TNRC6A: variants seen among roughly 807,000 people sequenced by gnomAD.
TNRC6A encodes the protein trinucleotide repeat-containing gene 6A protein.
Under a neutral mutation model 221.2 loss-of-function variants are expected in TNRC6A, and 44 were observed. The ratio of observed to expected loss-of-function variants is 0.20; its 90% CI spans 0.16 to 0.26. TNRC6A has a LOEUF of 0.26. TNRC6A is among the 10% of genes least tolerant of loss of function. The pLI is 1.00. For synonymous variants in TNRC6A, 847 were observed against 838.5 expected (o/e 1.01, Z -0.18); for missense variants, 2,199 against 2,404.4 (o/e 0.91, Z 1.79).
intron 1 of TNRC6A, among the ~76,000 whole-genome samples, chr16:24,617,681 G>A (rs993405068): frequency 6.6e-6 from 1 of 152,094 alleles, no homozygotes; most frequent in South Asian, 2.1e-4. Context: ...GGAAACTGAG[G>A]CATGGAGAGA....
chr16:24,823,146 G>A lies in TNRC6A; in HGVS notation c.5513+133G>A. On this transcript the variant is annotated intron_variant, in intron 24 of 24. Transcript: ENST00000395799. This position sits in a 1 kb window ranked among gnomAD's most constrained non-coding sequence, Gnocchi z 4.3. ...GCTGCAGTAGTGCCCTGATTCCAAG[G>A]TCGGCATTCCTAAGCGGGGAATCAG... The A allele has an allele frequency of 7.7e-7, 1 of 1,293,712 alleles. No individual in the cohort carries two copies. Among genetic ancestry groups the A allele is most frequent in the Non-Finnish European group, 1.1e-6 (1 of 922,714 alleles). 80.1% of individuals were successfully genotyped at this position (1,293,712 alleles called of 1,614,324 possible).
At chr16:24,761,408 A>G (rs1025935454) in intron 4 of TNRC6A, among the ~76,000 whole-genome samples, 20 of 152,308 alleles carry the variant, frequency 1.3e-4, no homozygotes, top group African/African-American at 4.8e-4. Flanking sequence ...AGGTATAGGG[A>G]TAGATGGATA....
At chr16:24,728,474 A>T (rs565040194), upstream of TNRC6A, among the ~76,000 whole-genome samples, 270 of 87,282 alleles carry the variant, frequency 3.1e-3, 1 homozygote, top group Admixed American at 5.3e-3. Context: ...ATAAAAAAAT[A>T]AAAAAAAAAG....
Position 24,818,851 on chromosome 16 carries a change from C to CT in TNRC6A, c.5080+156dup, listed in dbSNP as rs2058708388. On this transcript the variant is annotated intron_variant, in intron 21 of 24. Transcript: ENST00000395799. ...AAATTATTTTTAACATCCCTTACTC[C>CT]TTTTTAAACTTACTGTACCCAGCAG... The CT allele has an allele frequency of 4.9e-5, 33 of 672,212 alleles. No individual in the cohort carries two copies. The South Asian group carries it at 5.8e-4, about 12-fold the overall frequency. The allele number at this position is 672,212 out of a possible 1,614,324, so 41.6% of individuals were successfully genotyped here.
At position 24,773,957 on chromosome 16, in the gene TNRC6A, T is replaced by A. The variant is rs996186231; in HGVS notation, c.164-2976T>A. Among the ~76,000 whole-genome samples the A allele has an allele frequency of 2.9e-4, 44 of 152,202 alleles. 1 individual carries two copies. Among genetic ancestry groups the A allele is most frequent in the Admixed American group, 2.6e-4 (4 of 15,288 alleles). On this transcript the variant is annotated intron_variant, in intron 4 of 24. Transcript: ENST00000395799. ...TCTTAGTTTAAGAGGCTTTATCTTT[T>A]AACAAGTGAACTTAACCCATTCACA...
At chr16:24,816,571 T>C (rs997374729) in intron 19 of TNRC6A, 74 of 443,664 alleles carry the variant, frequency 1.7e-4, no homozygotes, top group South Asian at 1.6e-4. Flanking sequence ...ATGTTACGTG[T>C]GTGTGTGGGT....
At chr16:24,651,384 C>T (rs1902639763) in intron 2 of TNRC6A, among the ~76,000 whole-genome samples, 1 of 151,118 alleles carries the variant, frequency 6.6e-6, no homozygotes, top group Non-Finnish European at 1.5e-5. Flanking sequence ...ACTAAAAATA[C>T]AAAATCAGCC....
intron 2 of TNRC6A, among the ~76,000 whole-genome samples, chr16:24,686,249 T>C (rs1422603600): frequency 6.6e-6 from 1 of 152,140 alleles, no homozygotes; most frequent in Non-Finnish European, 1.5e-5. Context: ...GGAGACGGGC[T>C]CTGGGGCAGT....
At chr16:24,819,725 GTTGGGGCT>G in intron 21 of TNRC6A, 1 of 207,300 alleles carries the variant, frequency 4.8e-6, no homozygotes. Context: ...CAGCTCCTGA[GTTGGGGCT>G]CTTTTGCAGT....
chr16:24,670,712 T>C (rs1022245252), intron 2 of TNRC6A, among the ~76,000 whole-genome samples: 2 of 152,108 alleles, frequency 1.3e-5, no homozygotes, highest in African/African-American at 4.8e-5. Context: ...AAAATACTGG[T>C]ACAAGCTTGA....
intron 1 of TNRC6A, among the ~76,000 whole-genome samples, chr16:24,612,685 T>C (rs904210742): frequency 2.6e-5 from 4 of 151,896 alleles, no homozygotes; most frequent in Non-Finnish European, 5.9e-5. Flanking sequence ...AGGTCGAGGC[T>C]GCAGTGAGCC....
chr16:24,734,964 C>T (rs866489939), intron 2 of TNRC6A, among the ~76,000 whole-genome samples: 15 of 152,168 alleles, frequency 9.9e-5, no homozygotes, highest in Admixed American at 3.3e-4. Flanking sequence ...GATGCTTTTG[C>T]GTGGGACAAA....
At chr16:24,819,324 A>G (rs2058717912) in intron 21 of TNRC6A, among the ~76,000 whole-genome samples, 1 of 152,142 alleles carries the variant, frequency 6.6e-6, no homozygotes, top group African/African-American at 2.4e-5. Flanking sequence ...TGCTTTTAGC[A>G]TGATAGTTGA....
intron 2 of TNRC6A, among the ~76,000 whole-genome samples, chr16:24,672,156 A>C (rs111751125): frequency 6.6e-5 from 10 of 150,562 alleles, no homozygotes; most frequent in African/African-American, 2.2e-4. Context: ...GAGTCTTGCT[A>C]TGTCACCCAG....
At chr16:24,818,747 G>C in intron 21 of TNRC6A, 47 bp downstream of exon 21, 1 of 1,454,016 alleles carries the variant, frequency 6.9e-7, no homozygotes, top group Non-Finnish European at 9.7e-7. Context: ...CACAGCCAGA[G>C]CCGCGGCTGT....
At chr16:24,822,608 C>T (rs1567527872) in intron 23 of TNRC6A, among the ~76,000 whole-genome samples, 1 of 152,202 alleles carries the variant, frequency 6.6e-6, no homozygotes, top group East Asian at 1.9e-4. Context: ...GTCCTCAGGG[C>T]AGGGAAGAGA....
chr16:24,640,272 C>T (rs1901870031), intron 1 of TNRC6A, among the ~76,000 whole-genome samples: 1 of 151,878 alleles, frequency 6.6e-6, no homozygotes, highest in Non-Finnish European at 1.5e-5. Flanking sequence ...TGGTGGTGTG[C>T]ACTTCTAGTC....
chr16:24,624,753 G>A (rs911564339), intron 1 of TNRC6A, among the ~76,000 whole-genome samples: 2 of 152,132 alleles, frequency 1.3e-5, no homozygotes, highest in African/African-American at 2.4e-5. Context: ...CAAAGTGCTG[G>A]GATTACAGGC....
chr16:24,816,770 A>G (rs1190120785), intron 19 of TNRC6A, 46 bp from the exon 20 acceptor site: 3 of 1,575,360 alleles, frequency 1.9e-6, no homozygotes, highest in African/African-American at 2.7e-5. Context: ...AATGGATTTT[A>G]AAATGATGAT....
Sources: allele counts gnomAD v4.1 joint callset (sites outside exome capture counted in the v4.1 genomes callset), GRCh38; gene constraint gnomAD v4.1.1; non-coding constraint Gnocchi (gnomAD v3.1); transcripts MANE v1.5; gene names NCBI Gene and HGNC (gene_info 2026-07-23, HGNC 2026-07-21).